The following PRKN variants were observed in gnomAD, a reference collection of about 807,000 sequenced individuals.
PRKN encodes the protein E3 ubiquitin-protein ligase parkin.
A neutral mutation model predicts 59.5 loss-of-function variants in PRKN; 56 were observed. The observed-to-expected ratio is 0.94, with a 90% CI of 0.76 to 1.18. The LOEUF (loss-of-function observed/expected upper bound fraction) is 1.18. Among genes scored for constraint, PRKN ranks in the 50% most tolerant of loss-of-function variants. The probability of loss-of-function intolerance (pLI) is 0.00; values close to 1 mark genes in which losing one functional copy is unlikely to be tolerated. For synonymous variants in PRKN, 250 were observed against 222.1 expected (o/e 1.13, Z -1.12); for missense variants, 657 against 596.4 (o/e 1.10, Z -1.06).
intron 6 of PRKN, among the ~76,000 whole-genome samples, chr6:161,787,921 C>T (rs1790489049): frequency 6.6e-6 from 1 of 152,254 alleles, no homozygotes; most frequent in African/African-American, 2.4e-5. Flanking sequence ...GCCTGGGCTA[C>T]AGAGTGAGGC....
intron 7 of PRKN, among the ~76,000 whole-genome samples, chr6:161,755,786 G>A (rs553612886): frequency 3.3e-5 from 5 of 152,186 alleles, no homozygotes; most frequent in Middle Eastern, 6.8e-3. Flanking sequence ...CAGGGTTGAC[G>A]TGTGCTGTTG....
chr6:162,103,100 G>T (rs1780047059), intron 4 of PRKN, among the ~76,000 whole-genome samples: 1 of 147,544 alleles, frequency 6.8e-6, no homozygotes, highest in African/African-American at 2.5e-5. Flanking sequence ...ATGTGTATTA[G>T]CTAAAATAAA....
chr6:161,616,868 A>G (rs1277527363), intron 7 of PRKN, among the ~76,000 whole-genome samples: 2 of 91,636 alleles, frequency 2.2e-5, no homozygotes, highest in African/African-American at 7.7e-5. Flanking sequence ...TGTAGTAAAC[A>G]TATGTGTGCA....
intron 5 of PRKN, among the ~76,000 whole-genome samples, chr6:161,981,044 A>G (rs1174599526): frequency 6.6e-6 from 1 of 152,228 alleles, no homozygotes; most frequent in Non-Finnish European, 1.5e-5. Flanking sequence ...TTTTCCGATG[A>G]TATTAACAGG....
At chr6:161,750,118 T>TATATATATAC (rs1269147499) in intron 7 of PRKN, among the ~76,000 whole-genome samples, 59 of 137,826 alleles carry the variant, frequency 4.3e-4, no homozygotes, top group East Asian at 1.0e-3. Context: ...TATATATATA[T>TATATATATAC]ACACACACAC....
chr6:162,375,373 G>A (rs1786004261), intron 2 of PRKN, among the ~76,000 whole-genome samples: 1 of 149,996 alleles, frequency 6.7e-6, no homozygotes, highest in African/African-American at 2.4e-5. Flanking sequence ...TGGGGAGCGG[G>A]TAAGAAGATC....
intron 7 of PRKN, among the ~76,000 whole-genome samples, chr6:161,678,441 C>T (rs943223655): frequency 1.1e-3 from 167 of 151,450 alleles, no homozygotes; most frequent in African/African-American, 3.7e-3. Flanking sequence ...GCTCTTACCA[C>T]AAATTAAGAG....
intron 7 of PRKN, among the ~76,000 whole-genome samples, chr6:161,743,501 G>A (rs573699017): frequency 2.0e-5 from 3 of 151,386 alleles, no homozygotes; most frequent in South Asian, 4.2e-4. Context: ...CGCCTGCCTC[G>A]GCCTCCCAAA....
At chr6:162,016,151 A>G (rs1025983483) in intron 5 of PRKN, among the ~76,000 whole-genome samples, 4 of 71,894 alleles carry the variant, frequency 5.6e-5, no homozygotes, top group African/African-American at 1.3e-4. Flanking sequence ...TTAAAATAAT[A>G]ATAAAAAAAA....
At chr6:161,787,365 C>T (rs546540901) in intron 6 of PRKN, among the ~76,000 whole-genome samples, 1 of 152,276 alleles carries the variant, frequency 6.6e-6, no homozygotes, top group South Asian at 2.1e-4. Context: ...CTTCTCCTTT[C>T]CCCTCTTGGA....
chr6:162,268,083 A>G (rs563627052), intron 2 of PRKN, among the ~76,000 whole-genome samples: 15 of 152,318 alleles, frequency 9.8e-5, no homozygotes, highest in Non-Finnish European at 2.1e-4. Context: ...AATAAAAAAC[A>G]TATAGAATAT....
At chr6:162,399,124 C>A (rs1336704791) in intron 2 of PRKN, among the ~76,000 whole-genome samples, 1 of 152,124 alleles carries the variant, frequency 6.6e-6, no homozygotes, top group Non-Finnish European at 1.5e-5. Context: ...AATCCCCTCC[C>A]CATTTTTTTT....
chr6:162,448,369 T>C (rs1035578151), intron 1 of PRKN, among the ~76,000 whole-genome samples: 10 of 152,108 alleles, frequency 6.6e-5, no homozygotes, highest in African/African-American at 1.7e-4. Context: ...GAAATTTTCA[T>C]TGAGAATTTC....
chr6:162,634,485 A>G (rs1777634168), intron 1 of PRKN, among the ~76,000 whole-genome samples: 1 of 152,180 alleles, frequency 6.6e-6, no homozygotes, highest in Admixed American at 6.5e-5. Context: ...CAGTAAGGAT[A>G]CAGTCCCATA....
intron 7 of PRKN, among the ~76,000 whole-genome samples, chr6:161,694,130 C>CA (rs1432312006): frequency 6.6e-6 from 1 of 152,192 alleles, no homozygotes; most frequent in Non-Finnish European, 1.5e-5. Flanking sequence ...TTGCATTTAA[C>CA]AACAACACAA....
intron 7 of PRKN, among the ~76,000 whole-genome samples, chr6:161,739,707 CCT>C (rs1562646078): frequency 6.6e-6 from 1 of 152,020 alleles, no homozygotes; most frequent in East Asian, 1.9e-4. Context: ...TCTCTCTGTA[CCT>C]CTGTCTTTTT....
chr6:161,844,831 G>A (rs889236937), intron 6 of PRKN, among the ~76,000 whole-genome samples: 4 of 152,256 alleles, frequency 2.6e-5, no homozygotes, highest in African/African-American at 9.6e-5. Flanking sequence ...CTCCTGGTGT[G>A]CAATGCTGAT....
At chr6:161,422,302 G>T (rs1192842245) in intron 9 of PRKN, among the ~76,000 whole-genome samples, 1 of 150,728 alleles carries the variant, frequency 6.6e-6, no homozygotes, top group Non-Finnish European at 1.5e-5. Context: ...GAGTTCAAGT[G>T]GTTCTCCTGC....
intron 4 of PRKN, among the ~76,000 whole-genome samples, chr6:162,159,084 C>A (rs1300531850): frequency 2.0e-5 from 3 of 151,984 alleles, no homozygotes; most frequent in Non-Finnish European, 4.4e-5. Flanking sequence ...ACCCTTAGAG[C>A]CCCTCTGGAC....
Sources: allele counts gnomAD v4.1 joint callset (sites outside exome capture counted in the v4.1 genomes callset), GRCh38; gene constraint gnomAD v4.1.1; transcripts MANE v1.5; gene names NCBI Gene and HGNC (gene_info 2026-07-23, HGNC 2026-07-21).